UBP1: variants seen among roughly 807,000 people sequenced by gnomAD.
The protein encoded by UBP1 is upstream-binding protein 1.
In UBP1, 22 loss-of-function variants were observed where a neutral mutation model predicts 76.1. That is an observed-to-expected ratio of 0.29 (90% CI 0.21 to 0.41). UBP1 has a LOEUF of 0.41. UBP1 is among the 10% of genes least tolerant of loss of function. The pLI is 1.00. For missense variants in UBP1, 436 were observed against 668.1 expected (o/e 0.65, Z 3.83); for synonymous variants, 224 against 237.1 (o/e 0.94, Z 0.51).
At position 33,409,355 on chromosome 3, in the gene UBP1, C is replaced by CA. The variant is rs770518378; in HGVS notation, c.709-10dup. ...CTGTCTGCACCTTTAGGCTTAAAAACAAAGTATACTATTTCATCTATCAGG... is the reference window on the plus strand; with the variant it reads ...CTGTCTGCACCTTTAGGCTTAAAAACAAAAGTATACTATTTCATCTATCAGG... On this transcript the variant is annotated splice_polypyrimidine_tract_variant and intron_variant, in intron 6 of 15. Transcript: ENST00000283629. The CA allele has an allele frequency of 5.6e-6, 9 of 1,614,036 alleles. No individual in the cohort carries two copies. In the African/African-American group the frequency reaches 1.1e-4, roughly 19 times the overall value.
upstream of UBP1, chr3:33,441,129 C>T (rs1339465242): frequency 1.3e-5 from 2 of 152,326 alleles, no homozygotes; most frequent in Admixed American, 6.5e-5. Context: ...GGACGTGCCA[C>T]AGTAACAGCT....
chr3:33,433,513 C>T (rs1157160616), intron 1 of UBP1, among the ~76,000 whole-genome samples: 16 of 150,748 alleles, frequency 1.1e-4, no homozygotes, highest in Non-Finnish European at 4.4e-5. Context: ...ATCAGCTGGG[C>T]GTGGTGGCAT....
At chr3:33,399,378 C>CT (rs762326464) in intron 11 of UBP1, among the ~76,000 whole-genome samples, 125 of 152,202 alleles carry the variant, frequency 8.2e-4, no homozygotes, top group Middle Eastern at 3.4e-3. Context: ...AAAATTCCTT[C>CT]TTAACATTCC....
chr3:33,414,304 GA>G (rs1415973932), intron 3 of UBP1: 2 of 152,020 alleles, frequency 1.3e-5, no homozygotes, highest in African/African-American at 4.8e-5. Context: ...CGGGAGAGAG[GA>G]AAGGAACTTC....
chr3:33,406,065 G>T (rs2044412065), intron 8 of UBP1, among the ~76,000 whole-genome samples: 1 of 152,130 alleles, frequency 6.6e-6, no homozygotes, highest in Non-Finnish European at 1.5e-5. Context: ...GCATGGCATA[G>T]CAACTTTGCT....
chr3:33,428,050 G>A (rs927812532), intron 1 of UBP1, among the ~76,000 whole-genome samples: 1 of 151,914 alleles, frequency 6.6e-6, no homozygotes, highest in African/African-American at 2.4e-5. Flanking sequence ...GGCGTAGTGG[G>A]GCACGCCTGT....
chr3:33,404,084 G>T (rs1195666007), intron 8 of UBP1, among the ~76,000 whole-genome samples: 1 of 152,168 alleles, frequency 6.6e-6, no homozygotes, highest in African/African-American at 2.4e-5. Flanking sequence ...AACACAGTGA[G>T]ACCCTGTTTC....
chr3:33,425,065 C>T (rs1462306635), intron 2 of UBP1, among the ~76,000 whole-genome samples: 1 of 151,898 alleles, frequency 6.6e-6, no homozygotes, highest in East Asian at 1.9e-4. Context: ...AGGTAAACTA[C>T]CCCCACATCT....
chr3:33,400,820 C>A, intron 10 of UBP1, 142 bp downstream of exon 10: 1 of 774,898 alleles, frequency 1.3e-6, no homozygotes, highest in Non-Finnish European at 2.1e-6. Flanking sequence ...TGATGGACAC[C>A]CAAAATATCC....
At chr3:33,440,416 G>GCCCCGCCCCGA (rs773382300), upstream of UBP1, 1 of 151,486 alleles carries the variant, frequency 6.6e-6, no homozygotes, top group African/African-American at 2.4e-5. Context: ...GCCTCCCCCG[G>GCCCCGCCCCGA]CCCCGCCCCG....
At chr3:33,431,304 GA>G (rs2045107951) in intron 1 of UBP1, among the ~76,000 whole-genome samples, 1 of 152,192 alleles carries the variant, frequency 6.6e-6, no homozygotes, top group South Asian at 2.1e-4. Flanking sequence ...GGCAAAAACT[GA>G]AGACAGGAAG....
At chr3:33,411,835 G>T (rs1421188396) in intron 4 of UBP1, 148 bp from the exon 5 acceptor site, 1 of 638,334 alleles carries the variant, frequency 1.6e-6, no homozygotes, top group South Asian at 2.0e-5. Flanking sequence ...CTTCAACATC[G>T]AAACCCACCC....
chr3:33,390,545 T>C, intron 15 of UBP1, 177 bp from the exon 16 acceptor site: 4 of 659,664 alleles, frequency 6.1e-6, no homozygotes, highest in Non-Finnish European at 5.3e-6. Context: ...AAAAACTTCA[T>C]GTACACATTC....
intron 1 of UBP1, among the ~76,000 whole-genome samples, chr3:33,432,768 C>G (rs2045135116): frequency 6.6e-6 from 1 of 152,172 alleles, no homozygotes; most frequent in African/African-American, 2.4e-5. Flanking sequence ...GGATTGGAAT[C>G]TGAAAGGACA....
At chr3:33,435,964 A>G (rs1267199264) in intron 1 of UBP1, among the ~76,000 whole-genome samples, 3 of 152,232 alleles carry the variant, frequency 2.0e-5, no homozygotes, top group Non-Finnish European at 2.9e-5. Flanking sequence ...TCCAAGATAT[A>G]TATCACCTAC....
chr3:33,413,609 G>A (rs112737037), intron 3 of UBP1, among the ~76,000 whole-genome samples: 38 of 148,584 alleles, frequency 2.6e-4, no homozygotes, highest in African/African-American at 7.9e-4. Context: ...ACAAAAATCC[G>A]AAACACTGCC....
chr3:33,396,241 C>G lies in UBP1; in HGVS notation c.1311G>C (p.Glu437Asp), dbSNP rs777974965. ...RPRLTIYVCR[E>D]QPSSTVLQGQ... ...CTTGCAGCACTGTGCTGCTTGGCTG[C>G]TCCCGGCAGACATAGATGGTTAAAC... The change falls in exon 13 of 16, where the codon GAG becomes GAC. Residue 437 changes from glutamate to aspartate, a missense_variant. Physicochemically the swap from Glu to Asp is conservative, Grantham distance 45. Transcript: ENST00000283629. The G allele has an allele frequency of 6.3e-7, 1 of 1,590,428 alleles. No individual in the cohort carries two copies. The highest frequency in any genetic ancestry group is 2.3e-5 in the East Asian group (1 of 44,296).
At chr3:33,440,910 G>A (rs1197706952), upstream of UBP1, 2 of 152,212 alleles carry the variant, frequency 1.3e-5, no homozygotes, top group African/African-American at 4.8e-5. Flanking sequence ...GGGAGTGAGC[G>A]GTTTGCACCC....
chr3:33,408,584 G>A, intron 8 of UBP1, 106 bp downstream of exon 8: 2 of 778,648 alleles, frequency 2.6e-6, no homozygotes, highest in Non-Finnish European at 4.0e-6. Flanking sequence ...ATCAAGACAT[G>A]GACATCAAAA....
Sources: gnomAD v4.1 joint callset for allele counts (sites outside exome capture counted in the v4.1 genomes callset) on GRCh38, gnomAD v4.1.1 for gene constraint, MANE v1.5 for transcripts, NCBI Gene and HGNC (gene_info 2026-07-23, HGNC 2026-07-21) for gene names.